The following GGNBP2 variants were observed in gnomAD, a reference collection of about 807,000 sequenced individuals.
The protein encoded by GGNBP2 is gametogenetin binding protein 2.
Under a neutral mutation model 85.9 loss-of-function variants are expected in GGNBP2, and 10 were observed. That is an observed-to-expected ratio of 0.12 (90% CI 0.07 to 0.20). GGNBP2 has a LOEUF of 0.20. Ranked by LOEUF, GGNBP2 falls within the 10% of genes least tolerant of loss-of-function variation. The pLI is 1.00. For missense variants in GGNBP2, 595 were observed against 857.8 expected (o/e 0.69, Z 3.83); for synonymous variants, 287 against 285.7 (o/e 1.00, Z -0.05).
intron 4 of GGNBP2, among the ~76,000 whole-genome samples, chr17:36,558,282 G>C (rs1184088601): frequency 6.6e-6 from 1 of 150,726 alleles, no homozygotes; most frequent in East Asian, 2.0e-4. Context: ...AGGAGTGGTG[G>C]CGGGTCCCTG....
chr17:36,558,761 CT>C (rs79491251), intron 4 of GGNBP2, among the ~76,000 whole-genome samples: 46,527 of 148,174 alleles, frequency 0.31, 8,320 homozygotes, highest in Non-Finnish European at 0.41. Context: ...TGGCTGAGGT[CT>C]TTTTTTTTTT....
At chr17:36,560,017 T>C (rs907754673) in intron 4 of GGNBP2, among the ~76,000 whole-genome samples, 1 of 152,058 alleles carries the variant, frequency 6.6e-6, no homozygotes, top group Non-Finnish European at 1.5e-5. Context: ...GTATTTTTTT[T>C]AGCAGAAATA....
intron 8 of GGNBP2, among the ~76,000 whole-genome samples, chr17:36,580,655 C>A (rs2074639087): frequency 6.6e-6 from 1 of 152,056 alleles, no homozygotes; most frequent in African/African-American, 2.4e-5. Context: ...TATGGTGTCT[C>A]ATGCCTGTAA....
chr17:36,546,933 C>G (rs1469836417), intron 2 of GGNBP2: 1 of 152,044 alleles, frequency 6.6e-6, no homozygotes, highest in Admixed American at 6.6e-5. Flanking sequence ...GCTTGCCAGT[C>G]TCAATTAAGA....
chr17:36,545,416 C>CGGGCGGGAGAGA, intron 1 of GGNBP2: 1 of 185,374 alleles, frequency 5.4e-6, no homozygotes, highest in Non-Finnish European at 8.5e-6. Context: ...GGCGGGCGGG[C>CGGGCGGGAGAGA]GGGCGGGAGA....
At chr17:36,548,490 C>T (rs1051896185) in intron 2 of GGNBP2, among the ~76,000 whole-genome samples, 1 of 151,356 alleles carries the variant, frequency 6.6e-6, no homozygotes, top group South Asian at 2.1e-4. Context: ...TGGTGGGTGC[C>T]TGTAATCCCA....
At chr17:36,565,663 CGATGCAGGCA>C (rs1436391984) in intron 5 of GGNBP2, among the ~76,000 whole-genome samples, 3 of 151,846 alleles carry the variant, frequency 2.0e-5, no homozygotes, top group African/African-American at 7.3e-5. Context: ...TTTGGGAGGC[CGATGCAGGCA>C]GATCACGAGG....
chr17:36,557,359 A>G (rs1287891640), intron 4 of GGNBP2, 23 bp downstream of exon 4: 1 of 1,591,230 alleles, frequency 6.3e-7, no homozygotes, highest in Non-Finnish European at 8.6e-7. Flanking sequence ...AATTAGGAGA[A>G]AATGGGTTTG....
chr17:36,577,587 GA>G, intron 6 of GGNBP2: 1 of 214,204 alleles, frequency 4.7e-6, no homozygotes, highest in South Asian at 6.5e-5. Context: ...AGACTGGAAG[GA>G]GAGAGAACAA....
intron 2 of GGNBP2, among the ~76,000 whole-genome samples, chr17:36,553,365 C>T (rs1443141977): frequency 6.6e-6 from 1 of 152,058 alleles, no homozygotes; most frequent in Non-Finnish European, 1.5e-5. Flanking sequence ...CATATTCCTC[C>T]GTTATCAAGA....
intron 2 of GGNBP2, among the ~76,000 whole-genome samples, chr17:36,549,172 A>G (rs1567815866): frequency 6.6e-6 from 1 of 152,158 alleles, no homozygotes; most frequent in African/African-American, 2.4e-5. Context: ...CAGATAGAAT[A>G]CATATTTGAT....
At position 36,557,297 on chromosome 17, in the gene GGNBP2, C is replaced by T. The variant is rs1165974611; in HGVS notation, c.389C>T (p.Thr130Ile). ...CTGTCTGTAACTAGAAGCTGCATGACTGATGCAAAGAAGCTTTATACATTA... is the reference window on the plus strand; with the variant it reads ...CTGTCTGTAACTAGAAGCTGCATGATTGATGCAAAGAAGCTTTATACATTA... ...GVLSVTRSCM[T>I]DAKKLYTLFY... The change falls in exon 4 of 14, where the codon ACT (threonine) becomes ATT (isoleucine). Residue 130 changes from threonine to isoleucine, a missense_variant. This residue lies in a region of GGNBP2 where 216 missense variants were observed against 293.4 expected (regional missense o/e 0.74). Transcript: ENST00000613102. 1 of 1,613,608 alleles carries T rather than the reference C, an allele frequency of 6.2e-7. No homozygotes were observed. The highest frequency in any genetic ancestry group is 2.2e-5 in the East Asian group (1 of 44,870).
At chr17:36,574,011 A>G (rs761183676) in intron 6 of GGNBP2, among the ~76,000 whole-genome samples, 25 of 150,498 alleles carry the variant, frequency 1.7e-4, no homozygotes, top group Admixed American at 1.3e-3. Flanking sequence ...TATTCTGGCT[A>G]TTAACCCCTT....
At chr17:36,578,289 T>C (rs1371694631) in intron 7 of GGNBP2, 103 bp downstream of exon 7, 5 of 840,290 alleles carry the variant, frequency 6.0e-6, no homozygotes, top group Non-Finnish European at 7.4e-6. Context: ...ATATGATATA[T>C]GTATAAATTA....
At chr17:36,585,158 C>T in intron 9 of GGNBP2, 142 bp from the exon 10 acceptor site, 1 of 664,652 alleles carries the variant, frequency 1.5e-6, no homozygotes, top group Non-Finnish European at 2.5e-6. Context: ...CCCACCATTA[C>T]TTTTGTACTG....
At chr17:36,570,750 G>A (rs912500501) in intron 6 of GGNBP2, among the ~76,000 whole-genome samples, 1 of 152,140 alleles carries the variant, frequency 6.6e-6, no homozygotes, top group Non-Finnish European at 1.5e-5. Flanking sequence ...GCCGGGCATG[G>A]TGGCTCATGC....
At chr17:36,555,044 C>T in intron 3 of GGNBP2, 144 bp downstream of exon 3, 1 of 560,912 alleles carries the variant, frequency 1.8e-6, no homozygotes, top group Non-Finnish European at 3.2e-6. Context: ...CTATAGTAAG[C>T]ATGCATAGTT....
At chr17:36,559,070 A>C (rs545638468) in intron 4 of GGNBP2, among the ~76,000 whole-genome samples, 48 of 152,012 alleles carry the variant, frequency 3.2e-4, no homozygotes, top group African/African-American at 1.1e-3. Context: ...GAGGTCGGTG[A>C]GGGTGGATCA....
At chr17:36,576,593 ATATG>A (rs1475285568) in intron 6 of GGNBP2, 24 of 46,024 alleles carry the variant, frequency 5.2e-4, no homozygotes, top group Admixed American at 7.9e-4. Flanking sequence ...AAATATATAT[ATATG>A]TGTGTGTGTG....
Sources: gnomAD v4.1 joint callset for allele counts (sites outside exome capture counted in the v4.1 genomes callset) on GRCh38, gnomAD v4.1.1 for gene constraint, gnomAD v4.1.1 regional missense constraint, MANE v1.5 for transcripts, NCBI Gene and HGNC (gene_info 2026-07-23, HGNC 2026-07-21) for gene names.